The following SGK3 variants were observed in gnomAD, a reference collection of about 807,000 sequenced individuals.
SGK3 encodes serum/glucocorticoid regulated kinase family member 3, also known as serine/threonine-protein kinase Sgk3.
Under a neutral mutation model 68.5 loss-of-function variants are expected in SGK3, and 47 were observed. That is an observed-to-expected ratio of 0.69 (90% confidence interval 0.54 to 0.87). The LOEUF is 0.87. Among genes scored for constraint, SGK3 ranks in the 40% least tolerant of loss-of-function variants. The pLI is 0.00. For missense variants in SGK3, 479 were observed against 575.5 expected (o/e 0.83, Z 1.72); for synonymous variants, 181 against 189.1 (o/e 0.96, Z 0.35).
chr8:66,841,622 T>G (rs559386748), intron 13 of SGK3, among the ~76,000 whole-genome samples: 14 of 149,980 alleles, frequency 9.3e-5, no homozygotes, highest in Non-Finnish European at 2.1e-4. Context: ...ATATTAACAC[T>G]TGACTATATC....
chr8:66,783,797 A>T (rs1807088855), intron 1 of SGK3, among the ~76,000 whole-genome samples: 1 of 152,168 alleles, frequency 6.6e-6, no homozygotes, highest in Non-Finnish European at 1.5e-5. Flanking sequence ...AAGTGAGGGG[A>T]TTAAAGGCCG....
At chr8:66,776,611 G>C (rs535724614) in intron 1 of SGK3, among the ~76,000 whole-genome samples, 2 of 152,344 alleles carry the variant, frequency 1.3e-5, no homozygotes, top group African/African-American at 4.8e-5. Context: ...CTAGAATTCA[G>C]CTCTGCTGAT....
chr8:66,819,701 C>G (rs988514575), intron 5 of SGK3, among the ~76,000 whole-genome samples: 2 of 152,026 alleles, frequency 1.3e-5, no homozygotes, highest in Non-Finnish European at 2.9e-5. Flanking sequence ...ATTGAAAATC[C>G]CCACCCCTAC....
At chr8:66,792,725 C>CA (rs750262232) in intron 1 of SGK3, among the ~76,000 whole-genome samples, 1 of 150,872 alleles carries the variant, frequency 6.6e-6, no homozygotes, top group African/African-American at 2.4e-5. Flanking sequence ...AAGAAAAAAA[C>CA]AAAAAAAAAG....
intron 16 of SGK3, among the ~76,000 whole-genome samples, chr8:66,852,651 T>C (rs531761755): frequency 6.6e-6 from 1 of 152,284 alleles, no homozygotes; most frequent in East Asian, 1.9e-4. Context: ...TATCAGGCTT[T>C]GTTCCAGGTT....
chr8:66,740,473 TTATAA>T (rs922206897), intron 1 of SGK3, among the ~76,000 whole-genome samples: 1 of 152,242 alleles, frequency 6.6e-6, no homozygotes, highest in African/African-American at 2.4e-5. Flanking sequence ...TGATTTTTTA[TTATAA>T]TATAGTGCAG....
chr8:66,853,204 C>T (rs1455457206), intron 16 of SGK3, among the ~76,000 whole-genome samples: 2 of 151,936 alleles, frequency 1.3e-5, no homozygotes, highest in Non-Finnish European at 2.9e-5. Context: ...ACTTAGAAAA[C>T]ACAAGTAGAA....
intron 12 of SGK3, among the ~76,000 whole-genome samples, chr8:66,840,478 C>T (rs111893108): frequency 0.022 from 3,339 of 152,166 alleles, 133 homozygotes; most frequent in African/African-American, 0.076. Flanking sequence ...GTGGTGGTTA[C>T]ACAAATCTAT....
intron 1 of SGK3, chr8:66,790,704 T>C (rs2130562604): frequency 6.6e-6 from 1 of 152,382 alleles, no homozygotes; most frequent in East Asian, 1.9e-4. Context: ...ATTTGCTTTG[T>C]GCACATTCTC....
chr8:66,723,744 T>G (rs1287128483), intron 1 of SGK3, among the ~76,000 whole-genome samples: 1 of 152,126 alleles, frequency 6.6e-6, no homozygotes, highest in Non-Finnish European at 1.5e-5. Flanking sequence ...TTTGCCCAAC[T>G]GTTATAATTT....
chr8:66,755,361 C>T (rs945115123), intron 1 of SGK3, among the ~76,000 whole-genome samples: 1 of 152,108 alleles, frequency 6.6e-6, no homozygotes, highest in African/African-American at 2.4e-5. Flanking sequence ...TACAATAACC[C>T]CCTTGGGGAT....
chr8:66,783,869 T>C (rs73260202), intron 1 of SGK3, among the ~76,000 whole-genome samples: 2 of 151,962 alleles, frequency 1.3e-5, no homozygotes, highest in Non-Finnish European at 2.9e-5. Context: ...AATTTTATAG[T>C]TTTGTTTTTT....
intron 1 of SGK3, among the ~76,000 whole-genome samples, chr8:66,753,631 C>T (rs1353276074): frequency 1.3e-5 from 2 of 152,162 alleles, no homozygotes; most frequent in Non-Finnish European, 2.9e-5. Context: ...TTGAGACCAG[C>T]TTGACCAACA....
At chr8:66,798,691 A>T (rs1200630628) in intron 3 of SGK3, 66 bp downstream of exon 3, 2 of 1,321,666 alleles carry the variant, frequency 1.5e-6, no homozygotes, top group African/African-American at 1.5e-5. Context: ...AATAAGAGAG[A>T]TGTATTTGAA....
chr8:66,858,569 T>A (rs1810619657), intron 16 of SGK3, among the ~76,000 whole-genome samples: 1 of 151,994 alleles, frequency 6.6e-6, no homozygotes, highest in Non-Finnish European at 1.5e-5. Flanking sequence ...AGAAAGGGGA[T>A]CAGTGACAAG....
chr8:66,849,840 A>G (rs1279376130), intron 15 of SGK3, among the ~76,000 whole-genome samples: 1 of 152,110 alleles, frequency 6.6e-6, no homozygotes, highest in Non-Finnish European at 1.5e-5. Flanking sequence ...CGGACTCCCA[A>G]AGTGCTGGGA....
At chr8:66,812,395 A>G (rs1808413368) in intron 4 of SGK3, among the ~76,000 whole-genome samples, 1 of 152,026 alleles carries the variant, frequency 6.6e-6, no homozygotes, top group Admixed American at 6.6e-5. Flanking sequence ...CGTCTCTACT[A>G]AAAATACAAA....
At chr8:66,761,509 C>T (rs1806162742) in intron 1 of SGK3, among the ~76,000 whole-genome samples, 1 of 152,204 alleles carries the variant, frequency 6.6e-6, no homozygotes, top group Non-Finnish European at 1.5e-5. Flanking sequence ...GGCATGGTGG[C>T]TCACGCCCCA....
chr8:66,752,977 G>C (rs1373146373), intron 1 of SGK3, among the ~76,000 whole-genome samples: 1 of 152,102 alleles, frequency 6.6e-6, no homozygotes, highest in Non-Finnish European at 1.5e-5. Context: ...CAGCCTCCCA[G>C]AGTGTTGGGA....
Sources: allele counts gnomAD v4.1 joint callset (sites outside exome capture counted in the v4.1 genomes callset), GRCh38; gene constraint gnomAD v4.1.1; transcripts MANE v1.5; gene names NCBI Gene and HGNC (gene_info 2026-07-23, HGNC 2026-07-21).